The following CDH13 variants were observed in gnomAD, a reference collection of about 807,000 sequenced individuals.
The protein encoded by CDH13 is cadherin 13.
A neutral mutation model predicts 63.8 loss-of-function variants in CDH13; 24 were observed. The observed-to-expected ratio is 0.38, with a 90% confidence interval of 0.27 to 0.53. CDH13 has a LOEUF of 0.53. CDH13 is among the 20% of genes least tolerant of loss of function. The pLI, the probability that CDH13 is intolerant of heterozygous loss-of-function variation, is 0.85. For synonymous variants in CDH13, 503 were observed against 355.3 expected (o/e 1.42, Z -4.67); for missense variants, 1,049 against 903.1 (o/e 1.16, Z -2.07).
rs181754115 is a variant in CDH13 at position 83,711,001 on chromosome 16, C to A, written c.1538+32540C>A. 2.2e-3 allele frequency among the ~76,000 whole-genome samples: 333 copies of A among 152,234 alleles called. 1 individual carries two copies. Among genetic ancestry groups the A allele is most frequent in the Admixed American group, 0.02 (306 of 15,294 alleles). On this transcript the variant is annotated intron_variant, in intron 10 of 13. Coordinates refer to ENST00000567109, the MANE Select transcript of CDH13 (RefSeq NM_001257.5). ...ATACTGGGACTCAACCTGGGGAAGCCCCGCAGGCTGCTCAGCATGGATCAG... is the reference window on the plus strand; with the variant it reads ...ATACTGGGACTCAACCTGGGGAAGCACCGCAGGCTGCTCAGCATGGATCAG...
chr16:83,800,353 G>A lies in CDH13; in HGVS notation c.*5323G>A, dbSNP rs532580818. The A allele has an allele frequency of 2.6e-5, 4 of 152,232 alleles. No homozygotes were observed. The South Asian group carries it at 8.3e-4, about 32-fold the overall frequency. The allele number at this position is 152,232 out of a possible 1,614,324, so 9.4% of individuals were successfully genotyped here. On this transcript the variant is annotated 3_prime_UTR_variant, in exon 14 of 14. Transcript: ENST00000567109. Reference sequence around the variant, plus strand: ...ATTATTAGAGAGTTATATCTGTGTTGTCATGCACATGTCAACACTGTCCTG... The same window carrying A: ...ATTATTAGAGAGTTATATCTGTGTTATCATGCACATGTCAACACTGTCCTG...
intron 7 of CDH13, among the ~76,000 whole-genome samples, chr16:83,503,231 C>T (rs532295692): frequency 5.1e-4 from 78 of 152,104 alleles, no homozygotes; most frequent in Non-Finnish European, 8.7e-4. Context: ...ACCCTTTTTT[C>T]CCCTCCCAAA....
At chr16:83,338,596 G>A (rs940506201) in intron 5 of CDH13, among the ~76,000 whole-genome samples, 9 of 152,230 alleles carry the variant, frequency 5.9e-5, no homozygotes, top group African/African-American at 9.6e-5. Context: ...GGAGGCTGAC[G>A]CCATGGGAAT....
chr16:83,308,591 G>C (rs2089931707), intron 5 of CDH13, among the ~76,000 whole-genome samples: 1 of 152,224 alleles, frequency 6.6e-6, no homozygotes, highest in African/African-American at 2.4e-5. Context: ...AAGGCTTTAT[G>C]AAAACATTAG....
At chr16:82,674,249 G>A (rs1175750330) in intron 1 of CDH13, among the ~76,000 whole-genome samples, 2 of 152,132 alleles carry the variant, frequency 1.3e-5, no homozygotes, top group African/African-American at 4.8e-5. Context: ...ATCTGGACTG[G>A]GAGGATTGAT....
chr16:82,675,174 C>A (rs904118514), intron 1 of CDH13, among the ~76,000 whole-genome samples: 2 of 152,150 alleles, frequency 1.3e-5, no homozygotes, highest in South Asian at 2.1e-4. Context: ...GTGTAAAAGA[C>A]ACACTACAGT....
chr16:82,821,374 G>A (rs897485521), intron 1 of CDH13, among the ~76,000 whole-genome samples: 5 of 152,170 alleles, frequency 3.3e-5, no homozygotes, highest in African/African-American at 1.2e-4. Context: ...GAGACGATTC[G>A]AGGCAGATAA....
chr16:82,756,640 G>A, intron 1 of CDH13, among the ~76,000 whole-genome samples: 1 of 152,138 alleles, frequency 6.6e-6, no homozygotes, highest in Non-Finnish European at 1.5e-5. Context: ...TAACAGGTCA[G>A]TGAGAATTAT....
intron 7 of CDH13, among the ~76,000 whole-genome samples, chr16:83,585,942 C>G (rs564803046): frequency 1.3e-5 from 2 of 152,206 alleles, no homozygotes; most frequent in South Asian, 4.2e-4. Flanking sequence ...TATCCCAGTG[C>G]CACCACATAG....
chr16:83,000,822 G>A (rs928175217), intron 2 of CDH13, among the ~76,000 whole-genome samples: 14 of 151,964 alleles, frequency 9.2e-5, no homozygotes, highest in African/African-American at 2.9e-4. Flanking sequence ...CGCATGATCC[G>A]CCCGCCTCGG....
chr16:83,075,217 C>G (rs2032743943), intron 3 of CDH13, among the ~76,000 whole-genome samples: 1 of 152,172 alleles, frequency 6.6e-6, no homozygotes. Context: ...TCTTACTTCC[C>G]AACTCCCTCA....
chr16:83,137,027 G>A (rs1398168764), intron 4 of CDH13, among the ~76,000 whole-genome samples: 1 of 152,230 alleles, frequency 6.6e-6, no homozygotes, highest in Admixed American at 6.5e-5. Context: ...GCACGGCACT[G>A]GCCTTGGGAC....
chr16:83,054,720 A>G (rs2030742829), intron 3 of CDH13, among the ~76,000 whole-genome samples: 2 of 152,112 alleles, frequency 1.3e-5, no homozygotes, highest in Non-Finnish European at 1.5e-5. Context: ...GAAGTAGTCA[A>G]AATAGAAAAA....
At position 83,705,576 on chromosome 16, in the gene CDH13, C is replaced by T. The variant is rs1221692755; in HGVS notation, c.1538+27115C>T. On this transcript the variant is annotated intron_variant, in intron 10 of 13. Coordinates refer to ENST00000567109, the MANE Select transcript of CDH13 (RefSeq NM_001257.5). ...GGCGGAGCTTGCAGTGAGCCGAGAT[C>T]ACGCCACTGCACTCCAGCGTGGGGG... 1.3e-5 allele frequency among the ~76,000 whole-genome samples: 2 copies of T among 152,142 alleles called. 1 individual carries two copies. The highest frequency in any genetic ancestry group is 4.1e-4 in the South Asian group (2 of 4,832).
intron 8 of CDH13, among the ~76,000 whole-genome samples, chr16:83,644,159 T>C (rs1025678313): frequency 4.6e-5 from 7 of 152,266 alleles, no homozygotes; most frequent in Non-Finnish European, 5.9e-5. Context: ...TGCCTTCAGA[T>C]GTGTCCCTTG....
intron 5 of CDH13, 143 bp downstream of exon 5, chr16:83,217,640 G>A (rs1180262316): frequency 2.5e-6 from 2 of 804,062 alleles, no homozygotes; most frequent in Non-Finnish European, 3.9e-6. Context: ...GAGCTGAAGT[G>A]GATGGAATTG....
chr16:82,822,576 A>G (rs2038054376), intron 1 of CDH13, among the ~76,000 whole-genome samples: 1 of 152,166 alleles, frequency 6.6e-6, no homozygotes. Context: ...AGCTCACTGT[A>G]GCCTTCACCT....
At chr16:83,423,696 A>G (rs567882466) in intron 6 of CDH13, among the ~76,000 whole-genome samples, 3 of 152,330 alleles carry the variant, frequency 2.0e-5, no homozygotes, top group African/African-American at 7.2e-5. Flanking sequence ...ATTCTTTAGT[A>G]TAAATTATTG....
chr16:83,125,177 T>C (rs2035755021), intron 3 of CDH13, among the ~76,000 whole-genome samples: 1 of 152,220 alleles, frequency 6.6e-6, no homozygotes, highest in South Asian at 2.1e-4. Context: ...GGTGTTCAAA[T>C]AGCTTAATGA....
Sources: gnomAD v4.1 joint callset for allele counts (sites outside exome capture counted in the v4.1 genomes callset) on GRCh38, gnomAD v4.1.1 for gene constraint, MANE v1.5 for transcripts, NCBI Gene and HGNC (gene_info 2026-07-23, HGNC 2026-07-21) for gene names.